BRINP3: variants seen among roughly 807,000 people sequenced by gnomAD.
BRINP3 encodes the protein BMP/retinoic acid inducible neural specific 3.
In BRINP3, 19 loss-of-function variants were observed where a neutral mutation model predicts 71.0. The observed-to-expected ratio is 0.27, with a 90% CI of 0.19 to 0.39. The LOEUF (loss-of-function observed/expected upper bound fraction) is 0.39. Among genes scored for constraint, BRINP3 ranks in the 10% least tolerant of loss-of-function variants. BRINP3 has a pLI of 1.00. For synonymous variants in BRINP3, 380 were observed against 337.7 expected, an observed-to-expected ratio of 1.13 and a Z score of -1.37; for missense variants, 959 against 940.8, an observed-to-expected ratio of 1.02 and a Z score of -0.25.
At chr1:190,152,542 G>A (rs931332141) in intron 7 of BRINP3, among the ~76,000 whole-genome samples, 71 of 25,386 alleles carry the variant, frequency 2.8e-3, no homozygotes, top group Middle Eastern at 0.024. Context: ...CCCCCCCCCC[G>A]CCCCCCAAAA....
chr1:190,285,999 T>C (rs1366507046), intron 2 of BRINP3, among the ~76,000 whole-genome samples: 1 of 152,136 alleles, frequency 6.6e-6, no homozygotes, highest in East Asian at 1.9e-4. Flanking sequence ...ATCATAACGT[T>C]TGCAAGTCTT....
At chr1:190,146,941 C>T (rs1000857756) in intron 7 of BRINP3, among the ~76,000 whole-genome samples, 4 of 151,902 alleles carry the variant, frequency 2.6e-5, no homozygotes, top group Non-Finnish European at 4.4e-5. Context: ...AACGAGCAAG[C>T]TCTCCATGTA....
At chr1:190,431,642 C>T (rs935165102) in intron 2 of BRINP3, among the ~76,000 whole-genome samples, 4 of 152,036 alleles carry the variant, frequency 2.6e-5, no homozygotes, top group African/African-American at 7.2e-5. Flanking sequence ...CAGGTGTGAG[C>T]CTGGCCTTCT....
At chr1:190,104,227 T>TAA (rs561018756) in intron 7 of BRINP3, among the ~76,000 whole-genome samples, 39 of 152,084 alleles carry the variant, frequency 2.6e-4, no homozygotes, top group Non-Finnish European at 4.7e-4. Flanking sequence ...AACATTTAGG[T>TAA]TCTTGAGTGA....
Position 190,374,734 on chromosome 1 carries a change from T to C in BRINP3, c.236+79921A>G, listed in dbSNP as rs372642392. On this transcript the variant is annotated intron_variant, in intron 2 of 7. Coordinates refer to ENST00000367462, the MANE Select transcript of BRINP3 (RefSeq NM_199051.3). ...ATAAGAACAAAAAGCATGAAAATAATGAAAAATGAAAAACATTCATTTGAG... is the reference window on the plus strand; with the variant it reads ...ATAAGAACAAAAAGCATGAAAATAACGAAAAATGAAAAACATTCATTTGAG... Among the ~76,000 whole-genome samples, 4 of 151,972 alleles carry C rather than the reference T, an allele frequency of 2.6e-5. No individual in the cohort carries two copies. The East Asian group carries it at 5.8e-4, about 22-fold the overall frequency.
intron 2 of BRINP3, among the ~76,000 whole-genome samples, chr1:190,430,816 G>A (rs9970018): frequency 0.33 from 50,671 of 151,996 alleles, 8,660 homozygotes; most frequent in African/African-American, 0.39. Flanking sequence ...AAGGAATCCA[G>A]TTGCTGTGTT....
chr1:190,355,224 C>A (rs1337762118), intron 2 of BRINP3, among the ~76,000 whole-genome samples: 1 of 151,814 alleles, frequency 6.6e-6, no homozygotes, highest in Non-Finnish European at 1.5e-5. Flanking sequence ...CATCAGGGAA[C>A]ATTACAGGGT....
At chr1:190,271,392 C>T (rs1197958491) in intron 3 of BRINP3, among the ~76,000 whole-genome samples, 1 of 151,542 alleles carries the variant, frequency 6.6e-6, no homozygotes, top group African/African-American at 2.4e-5. Flanking sequence ...TCTCAAAGAG[C>T]AGTTGTAAGC....
Position 190,160,664 on chromosome 1 carries a change from T to TG in BRINP3, c.1184+3_1184+4insC. 6.2e-7 allele frequency: 1 copy of TG among 1,609,630 alleles called. No homozygotes were observed. The highest frequency in any genetic ancestry group is 8.5e-7 in the Non-Finnish European group (1 of 1,177,730). ...AATTGCTTACATTACCACAAATGTCTTACCTTTGTCTTGGCAGGCTGATGA... is the reference window on the plus strand; with the variant it reads ...AATTGCTTACATTACCACAAATGTCTGTACCTTTGTCTTGGCAGGCTGATGA... On this transcript the variant is annotated splice_donor_region_variant and intron_variant, in intron 7 of 7. Coordinates refer to ENST00000367462, the MANE Select transcript of BRINP3 (RefSeq NM_199051.3).
chr1:190,458,748 T>C (rs935593009), intron 1 of BRINP3, among the ~76,000 whole-genome samples: 3 of 151,934 alleles, frequency 2.0e-5, no homozygotes, highest in Non-Finnish European at 4.4e-5. Flanking sequence ...AAATCACAAG[T>C]TCCAATGAAA....
chr1:190,455,485 T>C (rs1185031053), intron 1 of BRINP3, among the ~76,000 whole-genome samples: 1 of 152,108 alleles, frequency 6.6e-6, no homozygotes, highest in African/African-American at 2.4e-5. Context: ...ATACCTATTA[T>C]AGATATATAT....
chr1:190,359,369 G>T (rs756161837), intron 2 of BRINP3, among the ~76,000 whole-genome samples: 1 of 151,930 alleles, frequency 6.6e-6, no homozygotes, highest in African/African-American at 2.4e-5. Flanking sequence ...TGTGATTTAA[G>T]GTACAGACAT....
chr1:190,389,779 A>T (rs1671135412), intron 2 of BRINP3, among the ~76,000 whole-genome samples: 1 of 151,876 alleles, frequency 6.6e-6, no homozygotes, highest in African/African-American at 2.4e-5. Context: ...TTTTAGCAAC[A>T]TGAAAATTCT....
intron 6 of BRINP3, among the ~76,000 whole-genome samples, chr1:190,184,534 T>C (rs1482700608): frequency 1.3e-5 from 2 of 152,192 alleles, no homozygotes; most frequent in African/African-American, 4.8e-5. Context: ...AAATAAATGA[T>C]GGTCTACTAT....
intron 4 of BRINP3, among the ~76,000 whole-genome samples, chr1:190,241,025 C>A (rs911224863): frequency 6.6e-6 from 1 of 151,206 alleles, no homozygotes; most frequent in African/African-American, 2.4e-5. Flanking sequence ...TTTCTATTAT[C>A]TCCTTTAATT....
intron 7 of BRINP3, chr1:190,153,970 A>G (rs1449087925): frequency 1.5e-5 from 8 of 534,722 alleles, no homozygotes; most frequent in Non-Finnish European, 1.9e-5. Flanking sequence ...TACAAAATGG[A>G]ATTTTATTCC....
At chr1:190,446,086 G>A (rs1675203652) in intron 2 of BRINP3, among the ~76,000 whole-genome samples, 1 of 151,828 alleles carries the variant, frequency 6.6e-6, no homozygotes, top group Admixed American at 6.6e-5. Flanking sequence ...TTCTGACAGT[G>A]GATTATAGTT....
At chr1:190,282,339 T>A (rs1407642262) in intron 2 of BRINP3, among the ~76,000 whole-genome samples, 1 of 151,816 alleles carries the variant, frequency 6.6e-6, no homozygotes, top group East Asian at 1.9e-4. Context: ...ATTTTATGGA[T>A]GAATTTGGCC....
At chr1:190,149,676 G>A (rs1422932755) in intron 7 of BRINP3, among the ~76,000 whole-genome samples, 3 of 150,710 alleles carry the variant, frequency 2.0e-5, no homozygotes, top group African/African-American at 7.3e-5. Flanking sequence ...AGAGAGACCT[G>A]GTAGAATTTC....
Sources: gnomAD v4.1 joint callset for allele counts (sites outside exome capture counted in the v4.1 genomes callset) on GRCh38, gnomAD v4.1.1 for gene constraint, MANE v1.5 for transcripts, NCBI Gene and HGNC (gene_info 2026-07-23, HGNC 2026-07-21) for gene names.